The following MACROD2 variants were observed in gnomAD, a reference collection of about 807,000 sequenced individuals.
MACROD2 encodes mono-ADP ribosylhydrolase 2.
A neutral mutation model predicts 70.4 loss-of-function variants in MACROD2; 36 were observed. The ratio of observed to expected loss-of-function variants is 0.51; its 90% CI spans 0.39 to 0.68. The LOEUF (loss-of-function observed/expected upper bound fraction) is 0.68. MACROD2 is among the 30% of genes least tolerant of loss of function. MACROD2 has a pLI of 0.00. For synonymous variants in MACROD2, 172 were observed against 178.8 expected, an observed-to-expected ratio of 0.96 and a Z score of 0.30; for missense variants, 496 against 538.4, an observed-to-expected ratio of 0.92 and a Z score of 0.78.
At chr20:14,292,403 T>C (rs1342129451) in intron 3 of MACROD2, among the ~76,000 whole-genome samples, 1 of 151,866 alleles carries the variant, frequency 6.6e-6, no homozygotes, top group African/African-American at 2.4e-5. Context: ...GCTGAACATA[T>C]GCAGAAGAAC....
intron 3 of MACROD2, among the ~76,000 whole-genome samples, chr20:14,256,246 T>G (rs2082055613): frequency 6.6e-6 from 1 of 152,120 alleles, no homozygotes; most frequent in South Asian, 2.1e-4. Flanking sequence ...TTTTTATTTG[T>G]TTTTCTTTTT....
chr20:15,542,552 G>C (rs187300520), intron 8 of MACROD2, among the ~76,000 whole-genome samples: 21 of 152,224 alleles, frequency 1.4e-4, no homozygotes, highest in African/African-American at 4.3e-4. Flanking sequence ...AGGAGGTAAG[G>C]CTTCAGTGGC....
intron 5 of MACROD2, among the ~76,000 whole-genome samples, chr20:14,724,696 A>G (rs1459188036): frequency 1.3e-5 from 2 of 152,188 alleles, no homozygotes; most frequent in Non-Finnish European, 2.9e-5. Flanking sequence ...ATTCGAGTAA[A>G]AGGCAAAAAG....
chr20:15,327,547 A>G (rs1174340272), intron 6 of MACROD2, among the ~76,000 whole-genome samples: 2 of 152,066 alleles, frequency 1.3e-5, no homozygotes, highest in Non-Finnish European at 2.9e-5. Context: ...AAAGGGGGAA[A>G]AGCCCCTTAT....
At chr20:15,089,114 A>T (rs1418383488) in intron 5 of MACROD2, among the ~76,000 whole-genome samples, 3 of 152,164 alleles carry the variant, frequency 2.0e-5, no homozygotes, top group Admixed American at 2.0e-4. Context: ...GTTGAAGAAG[A>T]TAATCATGTA....
intron 3 of MACROD2, among the ~76,000 whole-genome samples, chr20:14,228,172 TAGAGAG>T (rs58319730): frequency 0.024 from 3,640 of 151,006 alleles, 108 homozygotes; most frequent in African/African-American, 0.075. Flanking sequence ...TGTATATATA[TAGAGAG>T]AGAGAGAGAG....
intron 3 of MACROD2, among the ~76,000 whole-genome samples, chr20:14,413,101 CTAT>C (rs950661909): frequency 2.0e-5 from 3 of 151,718 alleles, no homozygotes; most frequent in African/African-American, 4.8e-5. Flanking sequence ...GCCAGCTATA[CTAT>C]TATTATTATG....
At chr20:15,357,798 CTTTTTTT>C (rs200860242) in intron 6 of MACROD2, among the ~76,000 whole-genome samples, 3 of 135,638 alleles carry the variant, frequency 2.2e-5, no homozygotes, top group Non-Finnish European at 4.8e-5. Flanking sequence ...TTCATTCATT[CTTTTTTT>C]TTTTTTTTTT....
At chr20:14,033,649 G>T (rs1369119995) in intron 2 of MACROD2, among the ~76,000 whole-genome samples, 17 of 152,146 alleles carry the variant, frequency 1.1e-4, no homozygotes, top group Admixed American at 6.6e-4. Flanking sequence ...GTACAGAAGA[G>T]CATAAAATGA....
chr20:14,558,997 G>A (rs902081932), intron 4 of MACROD2, among the ~76,000 whole-genome samples: 3 of 151,646 alleles, frequency 2.0e-5, no homozygotes, highest in African/African-American at 4.8e-5. Flanking sequence ...ATTCACAAAT[G>A]TACTGAATCG....
chr20:15,251,214 C>A (rs897831366), intron 6 of MACROD2, among the ~76,000 whole-genome samples: 3 of 152,132 alleles, frequency 2.0e-5, no homozygotes, highest in African/African-American at 7.2e-5. Context: ...TAACCACTTG[C>A]AATATTTCAC....
intron 6 of MACROD2, among the ~76,000 whole-genome samples, chr20:15,355,340 A>G (rs549102396): frequency 2.6e-5 from 4 of 152,296 alleles, no homozygotes; most frequent in East Asian, 1.9e-4. Context: ...TGCTACACCT[A>G]TAATTACAGT....
At chr20:15,401,424 A>G (rs772913675) in intron 6 of MACROD2, among the ~76,000 whole-genome samples, 4 of 152,194 alleles carry the variant, frequency 2.6e-5, no homozygotes, top group Non-Finnish European at 4.4e-5. Flanking sequence ...TTTCATCGGT[A>G]CAGTTTGGCA....
At chr20:15,718,576 G>T (rs2050739695) in intron 8 of MACROD2, among the ~76,000 whole-genome samples, 2 of 152,122 alleles carry the variant, frequency 1.3e-5, no homozygotes, top group Non-Finnish European at 2.9e-5. Flanking sequence ...AGTGTAGGGT[G>T]GATCACCAAG....
At chr20:15,874,072 C>G (rs1260176047) in intron 9 of MACROD2, among the ~76,000 whole-genome samples, 1 of 136,204 alleles carries the variant, frequency 7.3e-6, no homozygotes, top group East Asian at 2.5e-4. Context: ...CCAGCCCCCC[C>G]ACCCCCCAAC....
chr20:15,320,283 G>A (rs2077860700), intron 6 of MACROD2, among the ~76,000 whole-genome samples: 1 of 152,164 alleles, frequency 6.6e-6, no homozygotes, highest in Non-Finnish European at 1.5e-5. Flanking sequence ...TACTTATTGA[G>A]TAAGGAATTC....
intron 5 of MACROD2, among the ~76,000 whole-genome samples, chr20:14,763,735 G>C (rs920516335): frequency 2.0e-5 from 3 of 152,092 alleles, no homozygotes; most frequent in Non-Finnish European, 4.4e-5. Flanking sequence ...GGAAGAGGAA[G>C]GGAACCACTT....
chr20:14,545,924 A>G lies in MACROD2; in HGVS notation c.301+52416A>G, dbSNP rs1474579131. On this transcript the variant is annotated intron_variant, in intron 4 of 17. Transcript: ENST00000684519. ...ACATATATTATTTTAGCCATGTTCT[A>G]GACACTTAACAAAGATGGGATTGCA... Among the ~76,000 whole-genome samples the G allele has an allele frequency of 2.0e-5, 3 of 152,194 alleles. No individual in the cohort carries two copies. The East Asian group carries it at 5.8e-4, about 29-fold the overall frequency.
At chr20:15,305,183 A>G (rs559416638) in intron 6 of MACROD2, among the ~76,000 whole-genome samples, 1 of 151,714 alleles carries the variant, frequency 6.6e-6, no homozygotes. Context: ...TCATCTGTTC[A>G]TACTTTATAA....
Sources: gnomAD v4.1 joint callset for allele counts (sites outside exome capture counted in the v4.1 genomes callset) on GRCh38, gnomAD v4.1.1 for gene constraint, MANE v1.5 for transcripts, NCBI Gene and HGNC (gene_info 2026-07-23, HGNC 2026-07-21) for gene names.